ZNF821: variants seen among roughly 807,000 people sequenced by gnomAD.
ZNF821 encodes zinc finger protein 821.
In ZNF821, 16 loss-of-function variants were observed where a neutral mutation model predicts 44.3. The ratio of observed to expected loss-of-function variants is 0.36; its 90% confidence interval spans 0.24 to 0.55. ZNF821 has a LOEUF of 0.55. ZNF821 is among the 20% of genes least tolerant of loss of function. The probability of loss-of-function intolerance (pLI) is 0.86; values close to 1 mark genes in which losing one functional copy is unlikely to be tolerated. For missense variants in ZNF821, 436 were observed against 547.6 expected (o/e 0.80, Z 2.03); for synonymous variants, 204 against 197.6 (o/e 1.03, Z -0.27).
Position 71,865,068 on chromosome 16 carries a change from C to A in ZNF821, c.167-20G>T, listed in dbSNP as rs1172534382. ...TGTCACCTGGAACACACAAACTGGT[C>A]ACTTGTTCTGATTTTTGCATGAATA... On this transcript the variant is annotated intron_variant, in intron 4 of 7. Coordinates refer to ENST00000425432, the MANE Select transcript of ZNF821 (RefSeq NM_001201552.2). 3 of 1,613,884 alleles carry A rather than the reference C, an allele frequency of 1.9e-6. No homozygotes were observed. In the East Asian group the frequency reaches 6.7e-5, roughly 36 times the overall value.
chr16:71,868,727 A>C (rs2034832686), intron 3 of ZNF821, among the ~76,000 whole-genome samples: 2 of 152,032 alleles, frequency 1.3e-5, no homozygotes, highest in Admixed American at 6.5e-5. Flanking sequence ...AATAATATTC[A>C]TGTAGTCTTC....
intron 3 of ZNF821, among the ~76,000 whole-genome samples, chr16:71,868,571 T>C (rs2034815714): frequency 6.6e-6 from 1 of 152,232 alleles, no homozygotes; most frequent in Admixed American, 6.5e-5. Flanking sequence ...CCCTGGAAGT[T>C]CTTCCTTGAC....
In ZNF821 at chr16:71,860,286, C is replaced by T. The variant is rs1195851109; in HGVS notation, c.971G>A (p.Arg324Gln). Reference protein sequence around the residue: ...EQRARRLQRDREAMRLKRANE... With the variant: ...EQRARRLQRDQEAMRLKRANE... Reference sequence around the variant, plus strand: ...GGCCCGCTTCAGCCTCATGGCCTCCCGATCCCGCTGCAGCCGGCGTGCCCG... The same window carrying T: ...GGCCCGCTTCAGCCTCATGGCCTCCTGATCCCGCTGCAGCCGGCGTGCCCG... The change falls in exon 8 of 8, where the codon CGG becomes CAG. Residue 324 changes from arginine (R) to glutamine (Q), a missense_variant. This residue lies in a region of ZNF821 where 72 missense variants were observed against 133.3 expected (regional missense o/e 0.54). Coordinates refer to ENST00000425432, the MANE Select transcript of ZNF821 (RefSeq NM_001201552.2). The surrounding 1 kb of genome is among the most constrained non-coding windows in gnomAD (Gnocchi z 7.3). 1.2e-6 allele frequency: 2 copies of T among 1,613,648 alleles called. No homozygotes were observed. The highest frequency in any genetic ancestry group is 1.7e-6 in the Non-Finnish European group (2 of 1,180,034).
chr16:71,895,166 T>C, exon 1 of ZNF821: 1 of 249,120 alleles, frequency 4.0e-6, no homozygotes. Context: ...AGAGAGGCGG[T>C]ACTGGCAGCC....
intron 1 of ZNF821, among the ~76,000 whole-genome samples, chr16:71,892,951 G>A (rs1389530400): frequency 2.1e-5 from 3 of 144,082 alleles, no homozygotes; most frequent in African/African-American, 5.1e-5. Context: ...GGTCGGTTTC[G>A]AACTCCTAAC....
Position 71,860,345 on chromosome 16 carries a change from C to T in ZNF821, c.912G>A (p.Lys304=), listed in dbSNP as rs1298987117. 2 of 1,611,752 alleles carry T rather than the reference C, an allele frequency of 1.2e-6. No individual in the cohort carries two copies. The highest frequency in any genetic ancestry group is 4.5e-5 in the East Asian group (2 of 44,874). The change falls in exon 8 of 8, where the codon AAG becomes AAA. Residue 304 remains lysine (K), a synonymous_variant. Transcript: ENST00000425432. This position sits in a 1 kb window ranked among gnomAD's most constrained non-coding sequence, Gnocchi z 7.3. ...EVRRMRDREA[K]RLQRMQETDE... is the part of the protein sequence containing the mutation. Reference sequence around the variant, plus strand: ...CTGTCTCCTGCATGCGCTGCAAGCGCTTGGCTTCACGGTCCCTCATGCGCC... The same window carrying T: ...CTGTCTCCTGCATGCGCTGCAAGCGTTTGGCTTCACGGTCCCTCATGCGCC...
At chr16:71,881,282 C>T (rs1428068956) in intron 2 of ZNF821, 1 of 152,142 alleles carries the variant, frequency 6.6e-6, no homozygotes, top group African/African-American at 2.4e-5. Context: ...GCTAGAAGGA[C>T]CTCAAACCTA....
In ZNF821 at chr16:71,868,035, C is replaced by A; in HGVS notation, c.43G>T (p.Asp15Tyr). The change falls in exon 4 of 8, where the codon GAT becomes TAT. Residue 15 changes from aspartate (D) to tyrosine (Y), a missense_variant and splice_region_variant. By Grantham distance (160) the Asp-to-Tyr change is radical. Coordinates refer to ENST00000425432, the MANE Select transcript of ZNF821 (RefSeq NM_001201552.2). ...KQTNPNKVHW[D>Y]QVFAGLEEQA... ...TCTTCTAGCCCAGCAAATACTTGAT[C>A]CCCTGGTGGTCACAAGGAAAAATAG... The A allele has an allele frequency of 6.5e-7, 1 of 1,534,762 alleles. No homozygotes were observed. Among genetic ancestry groups the A allele is most frequent in the South Asian group, 1.2e-5 (1 of 83,798 alleles).
chr16:71,860,877 A>G lies in ZNF821; in HGVS notation c.585-205T>C, dbSNP rs2033787694. On this transcript the variant is annotated intron_variant, in intron 7 of 7. Transcript: ENST00000425432. This position sits in a 1 kb window ranked among gnomAD's most constrained non-coding sequence, Gnocchi z 7.3. ...CCAACTTTTTTTTTTTTTTTTTGAGACAGAGTCTTGCTCTGTCGCCCAGGC... is the reference window on the plus strand; with the variant it reads ...CCAACTTTTTTTTTTTTTTTTTGAGGCAGAGTCTTGCTCTGTCGCCCAGGC... 7.3e-6 allele frequency among the ~76,000 whole-genome samples: 1 copy of G among 136,854 alleles called. No homozygotes were observed. The allele number at this position is 136,854 out of a possible 152,430, so 89.8% of individuals were successfully genotyped here. A position where few individuals can be genotyped will look rare whatever the true frequency, so the allele number is the denominator to read the frequency against.
chr16:71,889,225 A>G (rs1295690986), upstream of ZNF821, among the ~76,000 whole-genome samples: 1 of 152,198 alleles, frequency 6.6e-6, no homozygotes, highest in East Asian at 1.9e-4. Flanking sequence ...TGACAGAGTG[A>G]AACCATGTCT....
At chr16:71,867,160 ATCT>A (rs2034636528) in intron 4 of ZNF821, among the ~76,000 whole-genome samples, 1 of 152,162 alleles carries the variant, frequency 6.6e-6, no homozygotes, top group Non-Finnish European at 1.5e-5. Flanking sequence ...TACTAAGCAA[ATCT>A]TCTTGTTTAA....
upstream of ZNF821, chr16:71,884,699 C>CAG (rs1597217898): frequency 6.6e-6 from 1 of 152,194 alleles, no homozygotes; most frequent in Non-Finnish European, 1.5e-5. Flanking sequence ...GTCAGAACCT[C>CAG]AGAGCTGGGA....
At position 71,864,183 on chromosome 16, in the gene ZNF821, C is replaced by G; in HGVS notation, c.372G>C (p.Gln124His). The change falls in exon 6 of 8, where the codon CAG becomes CAC. Residue 124 changes from glutamine to histidine, a missense_variant. By Grantham distance (24) the Gln-to-His change is conservative. Around this residue, in one of 5 missense-constraint regions of ZNF821, gnomAD observed 238 missense variants for 281.4 expected, o/e 0.85. Transcript: ENST00000425432. ...ACTGCTCCCGGCTCCCGCAGTCTAG[C>G]TGGCAGAGGGGACACTGGCAGAGTT... The part of the protein sequence containing the change: ...LLELCQCPLC[Q>H]LDCGSREQLI... 1.2e-6 allele frequency: 2 copies of G among 1,614,240 alleles called. No individual in the cohort carries two copies. Among genetic ancestry groups the G allele is most frequent in the Non-Finnish European group, 1.7e-6 (2 of 1,180,040 alleles).
At chr16:71,884,910 T>A (rs541050327), upstream of ZNF821, 9 of 140,990 alleles carry the variant, frequency 6.4e-5, no homozygotes, top group African/African-American at 1.8e-4. Flanking sequence ...CAGGCTGCAA[T>A]GCAATGGCGC....
chr16:71,890,167 T>C (rs897478445), intron 1 of ZNF821, among the ~76,000 whole-genome samples: 9 of 152,164 alleles, frequency 5.9e-5, no homozygotes, highest in Admixed American at 2.0e-4. Flanking sequence ...TAACAAGTGA[T>C]CTTGATTTTT....
At chr16:71,864,756 G>A in intron 5 of ZNF821, 147 bp downstream of exon 5, 1 of 930,748 alleles carries the variant, frequency 1.1e-6, no homozygotes, top group South Asian at 1.7e-5. Flanking sequence ...TCTGAGGTGT[G>A]GGTTCTGGTG....
rs1339705123 is a variant in ZNF821 at position 71,860,424 on chromosome 16, C to G, written c.833G>C (p.Arg278Pro). Residue 278 changes from arginine to proline, a missense_variant, in exon 8 of 8, where the codon CGC becomes CCC. Transcript: ENST00000425432. This position sits in a 1 kb window ranked among gnomAD's most constrained non-coding sequence, Gnocchi z 7.3. ...GTCCCGCCGGCTCTTCTTGGCCGTG[C>G]GCTCTCGTTCCAGCCGCTGCAGCCG... ...EVRLQRLERE[R>P]TAKKSRRDNE... 6.2e-7 allele frequency: 1 copy of G among 1,613,284 alleles called. No individual in the cohort carries two copies. Among genetic ancestry groups the G allele is most frequent in the South Asian group, 1.1e-5 (1 of 91,088 alleles).
intron 4 of ZNF821, among the ~76,000 whole-genome samples, chr16:71,867,045 T>C (rs1161304829): frequency 2.0e-5 from 3 of 152,352 alleles, no homozygotes; most frequent in Middle Eastern, 3.4e-3. Context: ...AGACAATCCA[T>C]GAGGCTCAAC....
Position 71,865,140 on chromosome 16 carries a change from A to C in ZNF821, c.167-92T>G, listed in dbSNP as rs532744728. 38 of 1,478,224 alleles carry C rather than the reference A, an allele frequency of 2.6e-5. No individual in the cohort carries two copies. The East Asian group carries it at 8.4e-4, about 33-fold the overall frequency. 91.6% of individuals were successfully genotyped at this position (1,478,224 alleles called of 1,614,324 possible). ...CTAGAGTTGGCAGTTACAATAGAAAACATTTTCAGATCTTCCATAATATAG... is the reference window on the plus strand; with the variant it reads ...CTAGAGTTGGCAGTTACAATAGAAACCATTTTCAGATCTTCCATAATATAG... On this transcript the variant is annotated intron_variant, in intron 4 of 7. Coordinates refer to ENST00000425432, the MANE Select transcript of ZNF821 (RefSeq NM_001201552.2).
Sources: allele counts gnomAD v4.1 joint callset (sites outside exome capture counted in the v4.1 genomes callset), GRCh38; gene constraint gnomAD v4.1.1; regional missense constraint gnomAD v4.1.1; non-coding constraint Gnocchi (gnomAD v3.1); transcripts MANE v1.5; gene names NCBI Gene and HGNC (gene_info 2026-07-23, HGNC 2026-07-21).